The following DPP6 variants were observed in gnomAD, a reference collection of about 807,000 sequenced individuals.
DPP6 encodes A-type potassium channel modulatory protein DPP6.
DPP6 carries 69 observed loss-of-function variants against 122.6 expected under a neutral mutation model. The ratio of observed to expected loss-of-function variants is 0.56; its 90% CI spans 0.46 to 0.69. The LOEUF (loss-of-function observed/expected upper bound fraction) is 0.69. DPP6 is among the 30% of genes least tolerant of loss of function. The pLI is 0.00. For synonymous variants in DPP6, 418 were observed against 433.1 expected (o/e 0.97, Z 0.43); for missense variants, 928 against 1,116.9 (o/e 0.83, Z 2.41).
At chr7:154,734,886 G>A (rs1168574399) in intron 8 of DPP6, among the ~76,000 whole-genome samples, 1 of 152,310 alleles carries the variant, frequency 6.6e-6, no homozygotes, top group Non-Finnish European at 1.5e-5. Flanking sequence ...ATTGAAATAA[G>A]CTAATACACA....
chr7:154,763,906 C>A (rs1210694754), intron 8 of DPP6, among the ~76,000 whole-genome samples: 2 of 152,142 alleles, frequency 1.3e-5, no homozygotes, highest in Admixed American at 1.3e-4. Context: ...CCTTTTTGTA[C>A]TTTCTAGAAC....
chr7:154,760,965 G>A lies in DPP6; in HGVS notation c.884-8452G>A, dbSNP rs1795510633. Among the ~76,000 whole-genome samples, 1 of 151,732 alleles carries A rather than the reference G, an allele frequency of 6.6e-6. No homozygotes were observed. Among genetic ancestry groups the A allele is most frequent in the African/African-American group, 2.4e-5 (1 of 41,256 alleles). On this transcript the variant is annotated intron_variant, in intron 8 of 25. Transcript: ENST00000377770. The surrounding 1 kb of genome is among the most constrained non-coding windows in gnomAD (Gnocchi z 4.5). Reference sequence around the variant, plus strand: ...TTCTCCTGCCTCAGCCTCCCGGATAGCTGGGACTACAGGCGCCTGCCACCA... The same window carrying A: ...TTCTCCTGCCTCAGCCTCCCGGATAACTGGGACTACAGGCGCCTGCCACCA...
At position 154,795,783 on chromosome 7, in the gene DPP6, G is replaced by C. The variant is rs373408279; in HGVS notation, c.1261-62G>C. The C allele has an allele frequency of 1.6e-3, 2,294 of 1,435,310 alleles. 28 individuals are homozygous for C. In the African/African-American group the frequency reaches 0.038, roughly 24 times the overall value. 88.9% of individuals were successfully genotyped at this position (1,435,310 alleles called of 1,614,324 possible). On this transcript the variant is annotated intron_variant, in intron 11 of 25. Transcript: ENST00000377770. Reference sequence around the variant, plus strand: ...ACTGTCGGTCACAGACACAATACATGCAAAAAAAAAAAAGAAAAGAAAAGA... The same window carrying C: ...ACTGTCGGTCACAGACACAATACATCCAAAAAAAAAAAAGAAAAGAAAAGA...
intron 1 of DPP6, among the ~76,000 whole-genome samples, chr7:154,068,088 C>T (rs966485671): frequency 7.2e-5 from 11 of 151,926 alleles, no homozygotes; most frequent in African/African-American, 9.7e-5. Context: ...TTGAATGAAA[C>T]GAACAGAATT....
chr7:154,015,053 A>G (rs1323968287), intron 1 of DPP6, among the ~76,000 whole-genome samples: 1 of 152,200 alleles, frequency 6.6e-6, no homozygotes, highest in Non-Finnish European at 1.5e-5. Flanking sequence ...ACTTGCTTTA[A>G]TGAAATGAGA....
chr7:154,565,589 G>A (rs1204636163), intron 4 of DPP6, among the ~76,000 whole-genome samples: 1 of 151,902 alleles, frequency 6.6e-6, no homozygotes, highest in Non-Finnish European at 1.5e-5. Context: ...GCAATGGCGC[G>A]ATCTCGGTCC....
intron 7 of DPP6, among the ~76,000 whole-genome samples, chr7:154,691,974 T>C (rs964200782): frequency 3.0e-5 from 3 of 99,742 alleles, no homozygotes; most frequent in African/African-American, 1.1e-4. Context: ...ACAACACACG[T>C]TGGGTGGAAA....
rs147952342 is a variant in DPP6, at chr7:154,875,342, G to A, written c.1884-564G>A. ...CAGTGGGAGCCGCCAGCCCAGGTCGGAGGCCACACTGCCCAGAGCCAATGG... is the reference window on the plus strand; with the variant it reads ...CAGTGGGAGCCGCCAGCCCAGGTCGAAGGCCACACTGCCCAGAGCCAATGG... On this transcript the variant is annotated intron_variant, in intron 19 of 25. Transcript: ENST00000377770. The surrounding 1 kb of genome is among the most constrained non-coding windows in gnomAD (Gnocchi z 4.5). Among the ~76,000 whole-genome samples the A allele has an allele frequency of 2.0e-4, 30 of 152,320 alleles. No homozygotes were observed. Among genetic ancestry groups the A allele is most frequent in the South Asian group, 4.1e-4 (2 of 4,830 alleles).
chr7:154,671,619 A>T (rs1838559351), intron 7 of DPP6, among the ~76,000 whole-genome samples: 1 of 151,544 alleles, frequency 6.6e-6, no homozygotes, highest in African/African-American at 2.4e-5. Context: ...CAACTGTAAA[A>T]GGAGTTGCTG....
At chr7:154,640,025 G>C (rs1835967362) in intron 6 of DPP6, among the ~76,000 whole-genome samples, 1 of 152,186 alleles carries the variant, frequency 6.6e-6, no homozygotes, top group African/African-American at 2.4e-5. Context: ...GCCAAGGTGG[G>C]CAGATCACTT....
rs28481868 is a variant in DPP6, at chr7:154,797,645, T to C, written c.1299+1762T>C. Among the ~76,000 whole-genome samples, 866 of 152,148 alleles carry C rather than the reference T, an allele frequency of 5.7e-3. 8 individuals are homozygous for C. The highest frequency in any genetic ancestry group is 0.02 in the African/African-American group (829 of 41,496). On this transcript the variant is annotated intron_variant, in intron 12 of 25. Coordinates refer to ENST00000377770, the MANE Select transcript of DPP6 (RefSeq NM_130797.4). ...GTGGTGTCCCAAGGCCGGGGGAGTA[T>C]GGAGAGGAACAGCTTAATGAACAGG...
chr7:154,192,499 T>C (rs555462974), intron 1 of DPP6, among the ~76,000 whole-genome samples: 99 of 152,338 alleles, frequency 6.5e-4, no homozygotes, highest in South Asian at 4.8e-3. Context: ...CCACTGAACT[T>C]AAAGCCAGGC....
chr7:154,638,775 T>C (rs1483276221), intron 6 of DPP6, among the ~76,000 whole-genome samples: 5 of 152,132 alleles, frequency 3.3e-5, no homozygotes, highest in Admixed American at 2.0e-4. Flanking sequence ...GAGGAGAATT[T>C]TTTGTTGTTT....
At chr7:154,531,009 G>C (rs927993355) in intron 3 of DPP6, among the ~76,000 whole-genome samples, 1 of 152,072 alleles carries the variant, frequency 6.6e-6, no homozygotes, top group Admixed American at 6.6e-5. Flanking sequence ...GGAGGCGTTG[G>C]GGGAGGGAGA....
In DPP6 at chr7:154,467,631, G is replaced by A. The variant is rs2151330462; in HGVS notation, c.359-7308G>A. ...ACCCAGTCTCAGGTAGTTCTTTACA[G>A]CAGTGTGAGAATGGGCTAATACAGC... On this transcript the variant is annotated intron_variant, in intron 2 of 25. Transcript: ENST00000377770. Among the ~76,000 whole-genome samples, 2 of 152,286 alleles carry A rather than the reference G, an allele frequency of 1.3e-5. 1 individual carries two copies. Among genetic ancestry groups the A allele is most frequent in the South Asian group, 4.1e-4 (2 of 4,828 alleles).
intron 3 of DPP6, among the ~76,000 whole-genome samples, chr7:154,506,009 G>A (rs1399764752): frequency 6.6e-6 from 1 of 151,870 alleles, no homozygotes; most frequent in Non-Finnish European, 1.5e-5. Context: ...TATAAATTAT[G>A]TATTTATTAT....
intron 1 of DPP6, among the ~76,000 whole-genome samples, chr7:154,237,901 G>A (rs1801323356): frequency 6.6e-6 from 1 of 152,194 alleles, no homozygotes; most frequent in African/African-American, 2.4e-5. Context: ...TCTCTGGGCA[G>A]GGAAGCTGAC....
chr7:154,410,063 TAAAG>T (rs1266480961), intron 1 of DPP6, among the ~76,000 whole-genome samples: 1 of 152,252 alleles, frequency 6.6e-6, no homozygotes, highest in Admixed American at 6.5e-5. Flanking sequence ...TTACATGAGT[TAAAG>T]AAATTTAGAA....
At chr7:154,439,985 C>T (rs1372238733) in intron 1 of DPP6, among the ~76,000 whole-genome samples, 4 of 152,276 alleles carry the variant, frequency 2.6e-5, no homozygotes, top group Middle Eastern at 3.4e-3. Flanking sequence ...ACATGGAGGA[C>T]GTGGTGGACA....
Sources: allele counts gnomAD v4.1 joint callset (sites outside exome capture counted in the v4.1 genomes callset), GRCh38; gene constraint gnomAD v4.1.1; non-coding constraint Gnocchi (gnomAD v3.1); transcripts MANE v1.5; gene names NCBI Gene and HGNC (gene_info 2026-07-23, HGNC 2026-07-21).